ABHD4: variants seen among roughly 807,000 people sequenced by gnomAD.
ABHD4 encodes (Lyso)-N-acylphosphatidylethanolamine lipase.
A neutral mutation model predicts 42.3 loss-of-function variants in ABHD4; 35 were observed. That is an observed-to-expected ratio of 0.83 (90% CI 0.63 to 1.10). The LOEUF is 1.10. Ranked by LOEUF, ABHD4 falls within the 50% of genes least tolerant of loss-of-function variation. The pLI is 0.00. For synonymous variants in ABHD4, 169 were observed against 170.6 expected (o/e 0.99, Z 0.07); for missense variants, 389 against 454.8 (o/e 0.86, Z 1.32).
rs200998769 is a variant in ABHD4, at chr14:22,603,390, G to T, written c.113G>T (p.Cys38Phe). 10 of 1,614,172 alleles carry T rather than the reference G, an allele frequency of 6.2e-6. No individual in the cohort carries two copies. In the East Asian group the frequency reaches 2.0e-4, roughly 32 times the overall value. ...TACCATGGGATTCTTTCCTCCCCAG[G>T]TCTCCAGAATAAGTTCCTGGCCAGA... is the stretch of plus-strand genomic sequence containing the variant. ...LKNVEARILQ[C>F]LQNKFLARYV... The change falls in exon 3 of 7, where the codon TGT becomes TTT. Residue 38 changes from cysteine to phenylalanine, a missense_variant and splice_region_variant. Transcript: ENST00000428304.
rs1416450211 is a variant in ABHD4, at chr14:22,601,724, G to A, written c.81G>A (p.Gln27=). ...LPTWRPTSMS[Q]LKNVEARILQ... is the part of the protein sequence containing the mutation. ...CGTGGCGCCCCACTTCCATGTCTCA[G>A]CTGAAGAATGTGGAAGCCAGGATCC... Residue 27 remains glutamine (Q), a synonymous_variant, in exon 2 of 7, where the codon CAG becomes CAA. Coordinates refer to ENST00000428304, the MANE Select transcript of ABHD4 (RefSeq NM_022060.3). The A allele has an allele frequency of 6.2e-7, 1 of 1,614,184 alleles. No individual in the cohort carries two copies. Among genetic ancestry groups the A allele is most frequent in the Non-Finnish European group, 8.5e-7 (1 of 1,180,014 alleles).
At chr14:22,608,070 T>C (rs1278479484) in intron 5 of ABHD4, among the ~76,000 whole-genome samples, 1 of 152,252 alleles carries the variant, frequency 6.6e-6, no homozygotes, top group Non-Finnish European at 1.5e-5. Context: ...GTAGGTATAA[T>C]ACTCTACATT....
intron 4 of ABHD4, 27 bp downstream of exon 4, chr14:22,604,106 A>C (rs2037320225): frequency 1.2e-6 from 2 of 1,612,432 alleles, no homozygotes; most frequent in Non-Finnish European, 8.5e-7. Flanking sequence ...ATCTCCTTAA[A>C]GGAAGGCTAT....
intron 2 of ABHD4, among the ~76,000 whole-genome samples, 181 bp from the exon 3 acceptor site, chr14:22,603,209 G>C (rs938748114): frequency 2.6e-5 from 4 of 152,216 alleles, no homozygotes; most frequent in African/African-American, 9.6e-5. Context: ...AGAAGGGCTT[G>C]CCTAAAGTTT....
At chr14:22,599,970 T>C in intron 1 of ABHD4, 1 of 272,910 alleles carries the variant, frequency 3.7e-6, no homozygotes, top group Non-Finnish European at 7.5e-6. Flanking sequence ...CCACTGAGAG[T>C]TGCTACTTGC....
chr14:22,610,749 G>A, intron 6 of ABHD4, 110 bp from the exon 7 acceptor site: 3 of 804,988 alleles, frequency 3.7e-6, no homozygotes, highest in Non-Finnish European at 6.4e-6. Context: ...TCTCTGATAA[G>A]AGCTCGTGGG....
chr14:22,602,819 A>T (rs1474419810), intron 2 of ABHD4, among the ~76,000 whole-genome samples: 1 of 152,174 alleles, frequency 6.6e-6, no homozygotes, highest in East Asian at 1.9e-4. Context: ...TGACAGATTA[A>T]ATCGGTAAAG....
intron 1 of ABHD4, chr14:22,600,308 G>C: frequency 2.5e-6 from 1 of 406,486 alleles, no homozygotes; most frequent in Non-Finnish European, 5.1e-6. Flanking sequence ...ATTTGTACAT[G>C]ACCTTGAAAA....
At chr14:22,609,615 G>A in intron 5 of ABHD4, 109 bp from the exon 6 acceptor site, 1 of 1,233,206 alleles carries the variant, frequency 8.1e-7, no homozygotes, top group East Asian at 2.4e-5. Context: ...GCCCAGTGTG[G>A]GGCTTTGACA....
At chr14:22,601,448 A>G (rs745840897) in intron 1 of ABHD4, among the ~76,000 whole-genome samples, 1 of 152,220 alleles carries the variant, frequency 6.6e-6, no homozygotes, top group Non-Finnish European at 1.5e-5. Context: ...GATGTTCTGA[A>G]TATCTATTGA....
At chr14:22,602,268 C>T (rs912427498) in intron 2 of ABHD4, among the ~76,000 whole-genome samples, 3 of 152,206 alleles carry the variant, frequency 2.0e-5, no homozygotes, top group Non-Finnish European at 4.4e-5. Context: ...TGTTACATTG[C>T]AGCAGGGCAT....
chr14:22,609,311 A>G (rs1168167208), intron 5 of ABHD4, among the ~76,000 whole-genome samples: 1 of 152,174 alleles, frequency 6.6e-6, no homozygotes, highest in Non-Finnish European at 1.5e-5. Context: ...GAAATTTTAA[A>G]TTAAATAACA....
intron 1 of ABHD4, 124 bp downstream of exon 1, chr14:22,598,453 G>C (rs1464187592): frequency 1.9e-5 from 29 of 1,541,992 alleles, no homozygotes; most frequent in Non-Finnish European, 2.4e-5. Flanking sequence ...GTCGGCCTCC[G>C]GGGAGGGCGG....
chr14:22,609,159 C>T (rs1046374010), intron 5 of ABHD4, among the ~76,000 whole-genome samples: 11 of 150,714 alleles, frequency 7.3e-5, no homozygotes, highest in Non-Finnish European at 1.3e-4. Context: ...CACCACGCCC[C>T]GCTAATTTTT....
intron 1 of ABHD4, chr14:22,600,217 A>T: frequency 2.2e-6 from 1 of 455,642 alleles, no homozygotes; most frequent in South Asian, 1.5e-5. Context: ...CTAAAATTGG[A>T]ACTCTGGCCT....
At chr14:22,598,664 C>T in intron 1 of ABHD4, 1 of 482,264 alleles carries the variant, frequency 2.1e-6, no homozygotes, top group Non-Finnish European at 3.7e-6. Flanking sequence ...TTGTGGGACG[C>T]GGGTGCGGAG....
chr14:22,603,957 G>C lies in ABHD4; in HGVS notation c.518G>C (p.Gly173Ala). Reference protein sequence around the residue: ...VKHLILVDPWGFPLRPTNPSE... With the variant: ...VKHLILVDPWAFPLRPTNPSE... ...CACCTCATCCTGGTGGACCCATGGG[G>C]CTTTCCCCTCCGACCAACTAACCCC... The change falls in exon 4 of 7, where the codon GGC (glycine) becomes GCC (alanine). Residue 173 changes from glycine to alanine, a missense_variant. Physicochemically the swap from Gly to Ala is moderately conservative, Grantham distance 60. Around this residue, in one of 3 missense-constraint regions of ABHD4, gnomAD observed 249 missense variants for 254.4 expected, o/e 0.98. Transcript: ENST00000428304. 6.2e-7 allele frequency: 1 copy of C among 1,614,196 alleles called. No individual in the cohort carries two copies. Among genetic ancestry groups the C allele is most frequent in the East Asian group, 2.2e-5 (1 of 44,874 alleles).
intron 1 of ABHD4, chr14:22,598,642 C>T: frequency 1.7e-6 from 1 of 573,014 alleles, no homozygotes; most frequent in Non-Finnish European, 3.0e-6. Context: ...TGTGAGATCC[C>T]CGAAAGCAAG....
At position 22,603,497 on chromosome 14, in the gene ABHD4, G is replaced by A. The variant is rs2037310977; in HGVS notation, c.220G>A (p.Val74Met). ...EQNDRTPLVM[V>M]HGFGGGVGLW... The stretch of plus-strand genomic sequence containing the variant: ...AAACGACCGCACCCCCTTGGTGATG[G>A]TGCATGGTTTTGGGGGCGGCGTGGG... Residue 74 changes from valine to methionine, a missense_variant, in exon 3 of 7, where the codon GTG (valine) becomes ATG (methionine). Coordinates refer to ENST00000428304, the MANE Select transcript of ABHD4 (RefSeq NM_022060.3). 2 of 1,614,164 alleles carry A rather than the reference G, an allele frequency of 1.2e-6. No homozygotes were observed. The highest frequency in any genetic ancestry group is 2.2e-5 in the East Asian group (1 of 44,882).
Sources: gnomAD v4.1 joint callset for allele counts (sites outside exome capture counted in the v4.1 genomes callset) on GRCh38, gnomAD v4.1.1 for gene constraint, gnomAD v4.1.1 regional missense constraint, MANE v1.5 for transcripts, NCBI Gene and HGNC (gene_info 2026-07-23, HGNC 2026-07-21) for gene names.